The following DOCK3 variants were observed in gnomAD, a reference collection of about 807,000 sequenced individuals.
DOCK3 encodes the protein dedicator of cytokinesis 3, also known as dedicator of cytokinesis protein 3.
In DOCK3, 60 loss-of-function variants were observed where a neutral mutation model predicts 265.6. The observed-to-expected ratio is 0.23, with a 90% CI of 0.18 to 0.28. DOCK3 has a LOEUF of 0.28. Among genes scored for constraint, DOCK3 ranks in the 10% least tolerant of loss-of-function variants. DOCK3 has a pLI of 1.00. For missense variants in DOCK3, 1,981 were observed against 2,594.3 expected (o/e 0.76, Z 5.14); for synonymous variants, 881 against 938.0 (o/e 0.94, Z 1.11).
intron 6 of DOCK3, among the ~76,000 whole-genome samples, chr3:51,067,231 A>T (rs2081623981): frequency 6.6e-6 from 1 of 152,222 alleles, no homozygotes; most frequent in African/African-American, 2.4e-5. Context: ...TTTCAGAACT[A>T]TCAGTACCTA....
At chr3:50,961,687 C>T (rs1451617048) in intron 5 of DOCK3, among the ~76,000 whole-genome samples, 2 of 152,112 alleles carry the variant, frequency 1.3e-5, no homozygotes, top group African/African-American at 4.8e-5. Flanking sequence ...AACCTTATTT[C>T]TCTAAAGGTT....
At chr3:50,717,455 TTATGTATGTGTGTATA>T (rs758894345) in intron 1 of DOCK3, among the ~76,000 whole-genome samples, 7 of 152,204 alleles carry the variant, frequency 4.6e-5, no homozygotes, top group Non-Finnish European at 7.3e-5. Flanking sequence ...TTCCATATAT[TTATGTATGTGTGTATA>T]TATGTATGTG....
At chr3:51,201,049 G>A (rs1259483856) in intron 12 of DOCK3, among the ~76,000 whole-genome samples, 3 of 151,702 alleles carry the variant, frequency 2.0e-5, no homozygotes, top group South Asian at 2.1e-4. Flanking sequence ...AGGAACAACC[G>A]GTACCAGCCG....
intron 9 of DOCK3, among the ~76,000 whole-genome samples, chr3:51,116,227 A>G (rs555134877): frequency 6.6e-5 from 10 of 152,176 alleles, no homozygotes; most frequent in African/African-American, 2.2e-4. Context: ...CAAGGTGGGC[A>G]GATCATGATG....
Position 51,254,432 on chromosome 3 carries a change from A to C in DOCK3, c.2185-5724A>C, listed in dbSNP as rs917905572. ...GTTCCTGGATATCCTTGTTAACTTT[A>C]TGTCTCGTTGATCTGTCTAATGTTG... On this transcript the variant is annotated intron_variant, in intron 22 of 52. Transcript: ENST00000266037. Among the ~76,000 whole-genome samples the C allele has an allele frequency of 3.3e-5, 5 of 152,062 alleles. No individual in the cohort carries two copies. The Middle Eastern group carries it at 0.01, about 310-fold the overall frequency.
At chr3:50,952,195 C>A (rs1196639092) in intron 5 of DOCK3, among the ~76,000 whole-genome samples, 1 of 152,056 alleles carries the variant, frequency 6.6e-6, no homozygotes, top group Non-Finnish European at 1.5e-5. Context: ...ATTATGACAG[C>A]AGCATATTAA....
chr3:51,278,268 A>T lies in DOCK3; in HGVS notation c.2823+514A>T, dbSNP rs968153208. On this transcript the variant is annotated intron_variant, in intron 26 of 52. Transcript: ENST00000266037. ...ATTTCACTGGCATTAGTGAATAACGATTTTTCTGTGATCTAATTAGAAGAG... is the reference window on the plus strand; with the variant it reads ...ATTTCACTGGCATTAGTGAATAACGTTTTTTCTGTGATCTAATTAGAAGAG... 8 of 985,180 alleles carry T rather than the reference A, an allele frequency of 8.1e-6. No individual in the cohort carries two copies. The African/African-American group carries it at 1.2e-4, about 15-fold the overall frequency. 61.0% of individuals were successfully genotyped at this position (985,180 alleles called of 1,614,324 possible).
intron 1 of DOCK3, among the ~76,000 whole-genome samples, chr3:50,710,180 C>G (rs960434271): frequency 3.3e-5 from 5 of 152,114 alleles, no homozygotes; most frequent in Admixed American, 6.6e-5. Flanking sequence ...CCTAATTAAA[C>G]TAAAAAGCTT....
chr3:51,016,951 A>T (rs1464170604), intron 5 of DOCK3, among the ~76,000 whole-genome samples: 3 of 26,778 alleles, frequency 1.1e-4, no homozygotes, highest in Non-Finnish European at 1.8e-4. Context: ...GTTATATATA[A>T]TATATATATT....
intron 1 of DOCK3, among the ~76,000 whole-genome samples, chr3:50,684,876 A>G (rs2034668234): frequency 1.3e-5 from 2 of 152,162 alleles, no homozygotes; most frequent in South Asian, 2.1e-4. Flanking sequence ...TTATTTTCCT[A>G]TGTAACATTT....
intron 12 of DOCK3, among the ~76,000 whole-genome samples, chr3:51,160,947 G>A (rs947066567): frequency 2.0e-5 from 3 of 151,938 alleles, no homozygotes; most frequent in East Asian, 1.9e-4. Flanking sequence ...GTGGTGGCAC[G>A]TGCCTGTAAT....
rs1360864951 is a variant in DOCK3 at position 51,383,441 on chromosome 3, T to A, written c.*1882T>A. ...TCTGGTGTTCACAGGTGTTAGAGGG[T>A]TAGGGGTTAGGGGCTAGTTTTGGAT... On this transcript the variant is annotated 3_prime_UTR_variant, in exon 53 of 53. Coordinates refer to ENST00000266037, the MANE Select transcript of DOCK3 (RefSeq NM_004947.5). 6.6e-6 allele frequency: 1 copy of A among 152,302 alleles called. No homozygotes were observed. The highest frequency in any genetic ancestry group is 1.5e-5 in the Non-Finnish European group (1 of 68,022). The allele number at this position is 152,302 out of a possible 1,614,324, so 9.4% of individuals were successfully genotyped here. A position where few individuals can be genotyped will look rare whatever the true frequency, so the allele number is the denominator to read the frequency against.
chr3:51,262,995 T>A (rs550383744), intron 23 of DOCK3, among the ~76,000 whole-genome samples: 27 of 152,302 alleles, frequency 1.8e-4, no homozygotes, highest in African/African-American at 5.8e-4. Flanking sequence ...GAAAACACTC[T>A]TCAGGATATT....
At chr3:50,845,599 G>A (rs1383200181) in intron 3 of DOCK3, among the ~76,000 whole-genome samples, 3 of 152,132 alleles carry the variant, frequency 2.0e-5, no homozygotes, top group Admixed American at 6.5e-5. Context: ...AGAGTCATAC[G>A]CCAAAGAAAT....
intron 12 of DOCK3, among the ~76,000 whole-genome samples, chr3:51,205,161 TATA>T (rs2089106509): frequency 6.6e-6 from 1 of 150,442 alleles, no homozygotes; most frequent in African/African-American, 2.4e-5. Context: ...AAACTTAAAG[TATA>T]ATAATAAAAA....
At chr3:51,016,557 CAT>C (rs2079264097) in intron 5 of DOCK3, among the ~76,000 whole-genome samples, 1 of 6,620 alleles carries the variant, frequency 1.5e-4, no homozygotes, top group Non-Finnish European at 1.9e-4. Context: ...TTATATATAT[CAT>C]ATATTATATA....
At chr3:50,971,929 G>A (rs1466654259) in intron 5 of DOCK3, among the ~76,000 whole-genome samples, 1 of 152,162 alleles carries the variant, frequency 6.6e-6, no homozygotes, top group Non-Finnish European at 1.5e-5. Context: ...CAGGAGGTGG[G>A]GTTGCTGCCC....
At chr3:50,697,837 T>G (rs2035731952) in intron 1 of DOCK3, among the ~76,000 whole-genome samples, 1 of 152,188 alleles carries the variant, frequency 6.6e-6, no homozygotes, top group African/African-American at 2.4e-5. Context: ...TGTTTTTGTC[T>G]GCTGCTTTGT....
chr3:50,918,339 T>C (rs146039102), intron 4 of DOCK3, among the ~76,000 whole-genome samples: 1 of 152,268 alleles, frequency 6.6e-6, no homozygotes, highest in East Asian at 1.9e-4. Context: ...CGCCACACTG[T>C]CTTCCATAAT....
Sources: allele counts gnomAD v4.1 joint callset (sites outside exome capture counted in the v4.1 genomes callset), GRCh38; gene constraint gnomAD v4.1.1; transcripts MANE v1.5; gene names NCBI Gene and HGNC (gene_info 2026-07-23, HGNC 2026-07-21).